The following PRKAB1 variants were observed in gnomAD, a reference collection of about 807,000 sequenced individuals.
PRKAB1 encodes protein kinase AMP-activated non-catalytic subunit beta 1.
A neutral mutation model predicts 32.0 loss-of-function variants in PRKAB1; 18 were observed. That is an observed-to-expected ratio of 0.56 (90% CI 0.39 to 0.83). The LOEUF (loss-of-function observed/expected upper bound fraction) is 0.83, where lower values mean the gene tolerates loss of function less well. Among genes scored for constraint, PRKAB1 ranks in the 40% least tolerant of loss-of-function variants. The pLI is 0.00. For synonymous variants in PRKAB1, 141 were observed against 141.4 expected, an observed-to-expected ratio of 1.00 and a Z score of 0.02; for missense variants, 263 against 352.6, an observed-to-expected ratio of 0.75 and a Z score of 2.03.
At position 119,674,152 on chromosome 12, in the gene PRKAB1, A is replaced by C; in HGVS notation, c.417+95A>C. 8.0e-7 allele frequency: 1 copy of C among 1,250,298 alleles called. No homozygotes were observed. Among genetic ancestry groups the C allele is most frequent in the South Asian group, 1.3e-5 (1 of 75,016 alleles). The allele number at this position is 1,250,298 out of a possible 1,614,324, so 77.5% of individuals were successfully genotyped here. On this transcript the variant is annotated intron_variant, in intron 3 of 6. Transcript: ENST00000229328. The surrounding 1 kb of genome is among the most constrained non-coding windows in gnomAD (Gnocchi z 4.3). ...TGCCGCTAGGTCCCTTTGCCCAGCT[A>C]GTAAAAGTCCCCGTGTGTGGCAGAG...
chr12:119,668,280 G>C lies in PRKAB1; in HGVS notation c.36G>C (p.Glu12Asp), dbSNP rs1460006507. ...CCAGCAGTGAGCGCGCCGCGCTGGAGCGGCATGGTGGCCATAAGACGCCCC... is the reference window on the plus strand; with the variant it reads ...CCAGCAGTGAGCGCGCCGCGCTGGACCGGCATGGTGGCCATAAGACGCCCC... ...GNTSSERAAL[E>D]RHGGHKTPRR... The change falls in exon 1 of 7, where the codon GAG (glutamate) becomes GAC (aspartate). Residue 12 changes from glutamate (E) to aspartate (D), a missense_variant. By Grantham distance (45) the Glu-to-Asp change is conservative (BLOSUM62 2). Coordinates refer to ENST00000229328, the MANE Select transcript of PRKAB1 (RefSeq NM_006253.5). 3.7e-6 allele frequency: 6 copies of C among 1,609,564 alleles called. No individual in the cohort carries two copies. In the African/African-American group the frequency reaches 8.0e-5, roughly 22 times the overall value.
intron 4 of PRKAB1, 73 bp from the exon 5 acceptor site, chr12:119,676,464 A>C: frequency 6.9e-7 from 1 of 1,442,338 alleles, no homozygotes; most frequent in Admixed American, 2.0e-5. Flanking sequence ...AAATGAGATG[A>C]TGACAACATA....
chr12:119,668,051 G>A (rs1955351382), upstream of PRKAB1: 1 of 632,198 alleles, frequency 1.6e-6, no homozygotes, highest in Non-Finnish European at 2.5e-6. Flanking sequence ...GGCAGGTAAA[G>A]CGCGATTGCG....
chr12:119,680,063 G>A, intron 6 of PRKAB1, 62 bp downstream of exon 6: 1 of 1,559,762 alleles, frequency 6.4e-7, no homozygotes, highest in South Asian at 1.1e-5. Flanking sequence ...AGGACCCCCA[G>A]CAGTGGAATG....
rs1955451067 is a variant in PRKAB1 at position 119,679,854 on chromosome 12, T to C, written c.667-79T>C. 1 of 1,465,044 alleles carries C rather than the reference T, an allele frequency of 6.8e-7. No homozygotes were observed. Among genetic ancestry groups the C allele is most frequent in the African/African-American group, 1.4e-5 (1 of 71,990 alleles). 90.8% of individuals were successfully genotyped at this position (1,465,044 alleles called of 1,614,324 possible). A position where few individuals can be genotyped will look rare whatever the true frequency, so the allele number is the denominator to read the frequency against. On this transcript the variant is annotated intron_variant, in intron 5 of 6. Coordinates refer to ENST00000229328, the MANE Select transcript of PRKAB1 (RefSeq NM_006253.5). This position sits in a 1 kb window ranked among gnomAD's most constrained non-coding sequence, Gnocchi z 4.1. Reference sequence around the variant, plus strand: ...CTGAGCGCTGCCTCCTGTCCTTTGATATCTGGCACTGGGAAGTAAAGGGGA... The same window carrying C: ...CTGAGCGCTGCCTCCTGTCCTTTGACATCTGGCACTGGGAAGTAAAGGGGA...
intron 4 of PRKAB1, among the ~76,000 whole-genome samples, chr12:119,675,091 C>A (rs1362890991): frequency 6.6e-6 from 1 of 152,216 alleles, no homozygotes; most frequent in African/African-American, 2.4e-5. Context: ...GAAGAAACTA[C>A]CTGGAACATG....
intron 1 of PRKAB1, 168 bp from the exon 2 acceptor site, chr12:119,672,130 TAAA>T: frequency 1.6e-6 from 1 of 629,844 alleles, no homozygotes; most frequent in Non-Finnish European, 2.6e-6. Context: ...TTCACAACCT[TAAA>T]AAATATATTT....
chr12:119,674,553 C>T lies in PRKAB1; in HGVS notation c.532+99C>T. On this transcript the variant is annotated intron_variant, in intron 4 of 6. Transcript: ENST00000229328. The surrounding 1 kb of genome is among the most constrained non-coding windows in gnomAD (Gnocchi z 4.3). ...TTGCCTCTCTTGAGCTGAAGCTGCC[C>T]AGTCAGATAGGCATTTATAGCCCCC... 7.1e-6 allele frequency: 6 copies of T among 842,504 alleles called. No homozygotes were observed. Among genetic ancestry groups the T allele is most frequent in the Non-Finnish European group, 1.1e-5 (6 of 542,092 alleles). The allele number at this position is 842,504 out of a possible 1,614,324, so 52.2% of individuals were successfully genotyped here.
chr12:119,674,064 T>C lies in PRKAB1; in HGVS notation c.417+7T>C. 1 of 1,611,728 alleles carries C rather than the reference T, an allele frequency of 6.2e-7. No homozygotes were observed. Among genetic ancestry groups the C allele is most frequent in the Non-Finnish European group, 8.5e-7 (1 of 1,178,384 alleles). On this transcript the variant is annotated splice_region_variant and intron_variant, in intron 3 of 6. Coordinates refer to ENST00000229328, the MANE Select transcript of PRKAB1 (RefSeq NM_006253.5). The surrounding 1 kb of genome is among the most constrained non-coding windows in gnomAD (Gnocchi z 4.3). ...GACGCACGACCCTTCCGAGGTACTCTTCCTCCCACCTCTGGTCCTCTGGGT... is the reference window on the plus strand; with the variant it reads ...GACGCACGACCCTTCCGAGGTACTCCTCCTCCCACCTCTGGTCCTCTGGGT...
chr12:119,680,143 C>G, intron 6 of PRKAB1, 105 bp from the exon 7 acceptor site: 2 of 1,486,102 alleles, frequency 1.3e-6, no homozygotes, highest in South Asian at 1.2e-5. Flanking sequence ...GGTTCTGAAG[C>G]TGGCCCGGGA....
chr12:119,671,743 A>G (rs777958288), intron 1 of PRKAB1: 8 of 171,228 alleles, frequency 4.7e-5, no homozygotes, highest in Non-Finnish European at 7.7e-5. Context: ...CTTATGGACT[A>G]TAAACCTGTA....
Position 119,674,189 on chromosome 12 carries a change from C to T in PRKAB1, c.417+132C>T, listed in dbSNP as rs576262441. On this transcript the variant is annotated intron_variant, in intron 3 of 6. Transcript: ENST00000229328. This position sits in a 1 kb window ranked among gnomAD's most constrained non-coding sequence, Gnocchi z 4.3. Reference sequence around the variant, plus strand: ...CGTGTGTGGCAGAGCTGAGTAGCAGCACTACCTGTCAGACAGTTGGCATAC... The same window carrying T: ...CGTGTGTGGCAGAGCTGAGTAGCAGTACTACCTGTCAGACAGTTGGCATAC... 74 of 1,011,000 alleles carry T rather than the reference C, an allele frequency of 7.3e-5. No individual in the cohort carries two copies. In the African/African-American group the frequency reaches 1.1e-3, roughly 15 times the overall value. 62.6% of individuals were successfully genotyped at this position (1,011,000 alleles called of 1,614,324 possible).
Position 119,672,529 on chromosome 12 carries a change from C to CT in PRKAB1, c.323+66dup, listed in dbSNP as rs1380005325. The CT allele has an allele frequency of 3.6e-6, 5 of 1,400,792 alleles. No homozygotes were observed. In the South Asian group the frequency reaches 6.5e-5, roughly 18 times the overall value. The allele number at this position is 1,400,792 out of a possible 1,614,324, so 86.8% of individuals were successfully genotyped here. The stretch of plus-strand genomic sequence containing the variant: ...AAATTCTCTTCTTTCTAAAACATCT[C>CT]TGAGAGAGAACAGAAAATGGATGTT... On this transcript the variant is annotated intron_variant, in intron 2 of 6. Coordinates refer to ENST00000229328, the MANE Select transcript of PRKAB1 (RefSeq NM_006253.5).
intron 2 of PRKAB1, chr12:119,673,699 G>C (rs1488757164): frequency 3.0e-6 from 1 of 330,694 alleles, no homozygotes; most frequent in Non-Finnish European, 5.5e-6. Context: ...ATGCCTGACT[G>C]TTGACCTTTT....
Position 119,668,236 on chromosome 12 carries a change from AC to A in PRKAB1, c.-4del. ...GTCCGCCTTCCCTGTGTCCCCGCAG[AC>A]CCCCATCATGGGCAATACCAGCAGT... On this transcript the variant is annotated 5_prime_UTR_variant, in exon 1 of 7. Transcript: ENST00000229328. The A allele has an allele frequency of 6.4e-7, 1 of 1,571,294 alleles. No homozygotes were observed. Among genetic ancestry groups the A allele is most frequent in the Non-Finnish European group, 8.6e-7 (1 of 1,164,026 alleles).
rs187081460 is a variant in PRKAB1, at chr12:119,671,894, C to T, written c.160-407C>T. ...TTATGGGACTACCATATACACAGTC[C>T]GTCGTTGACTAAGACATCATGCACA... is the stretch of plus-strand genomic sequence containing the variant. On this transcript the variant is annotated intron_variant, in intron 1 of 6. Coordinates refer to ENST00000229328, the MANE Select transcript of PRKAB1 (RefSeq NM_006253.5). Among the ~76,000 whole-genome samples, 178 of 152,236 alleles carry T rather than the reference C, an allele frequency of 1.2e-3. 1 individual carries two copies. Among genetic ancestry groups the T allele is most frequent in the Admixed American group, 3.6e-3 (55 of 15,300 alleles).
chr12:119,680,525 G>C lies in PRKAB1; in HGVS notation c.*200G>C. On this transcript the variant is annotated 3_prime_UTR_variant, in exon 7 of 7. Coordinates refer to ENST00000229328, the MANE Select transcript of PRKAB1 (RefSeq NM_006253.5). ...GCCTCGGTCTGTGACAGTCCTCCTA[G>C]CACCCCCATGGCTTTGAGCCTCGGG... The C allele has an allele frequency of 2.0e-5, 12 of 598,742 alleles. No individual in the cohort carries two copies. In the South Asian group the frequency reaches 2.5e-4, roughly 12 times the overall value. 37.1% of individuals were successfully genotyped at this position (598,742 alleles called of 1,614,324 possible).
Position 119,680,429 on chromosome 12 carries a change from T to C in PRKAB1, c.*104T>C. ...GGACTGTACATTGCTCATTTCACAC[T>C]CTTCAGAAGACATTTCATACCTGCC... On this transcript the variant is annotated 3_prime_UTR_variant, in exon 7 of 7. Transcript: ENST00000229328. 1.7e-6 allele frequency: 2 copies of C among 1,184,238 alleles called. No individual in the cohort carries two copies. The highest frequency in any genetic ancestry group is 2.7e-5 in the South Asian group (2 of 75,362). 73.4% of individuals were successfully genotyped at this position (1,184,238 alleles called of 1,614,324 possible). A position where few individuals can be genotyped will look rare whatever the true frequency, so the allele number is the denominator to read the frequency against.
Position 119,679,675 on chromosome 12 carries a change from G to C in PRKAB1, c.667-258G>C. The C allele has an allele frequency of 2.0e-6, 1 of 491,734 alleles. No homozygotes were observed. Among genetic ancestry groups the C allele is most frequent in the Non-Finnish European group, 3.7e-6 (1 of 268,096 alleles). The allele number at this position is 491,734 out of a possible 1,614,324, so 30.5% of individuals were successfully genotyped here. A position where few individuals can be genotyped will look rare whatever the true frequency, so the allele number is the denominator to read the frequency against. ...GAGGACAGGGCCGTGGCCCACACTT[G>C]AAAGAGGCCGGGGTAAATGCCTGGC... On this transcript the variant is annotated intron_variant, in intron 5 of 6. Transcript: ENST00000229328. The surrounding 1 kb of genome is among the most constrained non-coding windows in gnomAD (Gnocchi z 4.1).
Sources: gnomAD v4.1 joint callset for allele counts (sites outside exome capture counted in the v4.1 genomes callset) on GRCh38, gnomAD v4.1.1 for gene constraint, Gnocchi (gnomAD v3.1) non-coding constraint, MANE v1.5 for transcripts, NCBI Gene and HGNC (gene_info 2026-07-23, HGNC 2026-07-21) for gene names.